Variants in NFIA observed in about 807,000 individuals in gnomAD.
NFIA encodes the protein nuclear factor I A.
Under a neutral mutation model 62.8 loss-of-function variants are expected in NFIA, and 8 were observed. That is an observed-to-expected ratio of 0.13 (90% CI 0.07 to 0.23). The LOEUF is 0.23. Among genes scored for constraint, NFIA ranks in the 10% least tolerant of loss-of-function variants. The pLI, the probability that NFIA is intolerant of heterozygous loss-of-function variation, is 1.00. For synonymous variants in NFIA, 235 were observed against 238.1 expected (o/e 0.99, Z 0.12); for missense variants, 410 against 642.1 (o/e 0.64, Z 3.91).
intron 2 of NFIA, among the ~76,000 whole-genome samples, chr1:61,235,502 A>G: frequency 6.9e-6 from 1 of 145,696 alleles, no homozygotes; most frequent in East Asian, 2.3e-4. Flanking sequence ...AAATAAATAA[A>G]TAAAAATAAA....
chr1:61,227,154 C>A (rs1182131609), intron 2 of NFIA, among the ~76,000 whole-genome samples: 1 of 152,192 alleles, frequency 6.6e-6, no homozygotes, highest in East Asian at 1.9e-4. Flanking sequence ...CTTTGACTGA[C>A]AAGCAGCATT....
At chr1:61,295,593 C>T (rs558794007) in intron 3 of NFIA, among the ~76,000 whole-genome samples, 58 of 152,256 alleles carry the variant, frequency 3.8e-4, no homozygotes, top group Non-Finnish European at 5.7e-4. Context: ...TTGACTCCAC[C>T]GCTCACCTGG....
chr1:61,296,011 C>T (rs1659171262), intron 3 of NFIA, among the ~76,000 whole-genome samples: 1 of 152,234 alleles, frequency 6.6e-6, no homozygotes, highest in Non-Finnish European at 1.5e-5. Flanking sequence ...ATTCAGCACA[C>T]CAGTGCACCC....
intron 2 of NFIA, among the ~76,000 whole-genome samples, chr1:61,259,356 G>A (rs969194858): frequency 1.3e-5 from 2 of 152,270 alleles, no homozygotes; most frequent in African/African-American, 4.8e-5. Context: ...GCCCGGACTG[G>A]CCCTTCCCCT....
At position 61,462,397 on chromosome 1, in the gene NFIA, A is replaced by G. The variant is rs1343570986; in HGVS notation, c.*7077A>G. 1 of 152,100 alleles carries G rather than the reference A, an allele frequency of 6.6e-6. No homozygotes were observed. The highest frequency in any genetic ancestry group is 1.5e-5 in the Non-Finnish European group (1 of 68,036). The allele number at this position is 152,100 out of a possible 1,614,324, so 9.4% of individuals were successfully genotyped here. On this transcript the variant is annotated 3_prime_UTR_variant, in exon 11 of 11. Coordinates refer to ENST00000403491, the MANE Select transcript of NFIA (RefSeq NM_001134673.4). ...TCCACTCGGAATACCTCTGTTTTCC[A>G]TTTCAAATTGTAGGGGGAGGGGATG...
At chr1:61,416,907 C>T (rs923122920) in intron 9 of NFIA, among the ~76,000 whole-genome samples, 2 of 152,134 alleles carry the variant, frequency 1.3e-5, no homozygotes, top group African/African-American at 4.8e-5. Flanking sequence ...AATCTTAAAA[C>T]ACCCCATTAA....
chr1:61,088,169 C>G lies in NFIA; in HGVS notation c.48C>G (p.Ile16Met). Residue 16 changes from isoleucine (I) to methionine (M), a missense_variant, in exon 2 of 11, where the codon ATC becomes ATG. Coordinates refer to ENST00000403491, the MANE Select transcript of NFIA (RefSeq NM_001134673.4). The surrounding 1 kb of genome is among the most constrained non-coding windows in gnomAD (Gnocchi z 4.5). ...CCTAGGATGAATTTCATCCTTTCAT[C>G]GAAGCACTTCTGCCCCACGTCCGAG... is the stretch of plus-strand genomic sequence containing the variant. ...CLTQDEFHPF[I>M]EALLPHVRAF... 1 of 1,602,576 alleles carries G rather than the reference C, an allele frequency of 6.2e-7. No homozygotes were observed. The highest frequency in any genetic ancestry group is 8.5e-7 in the Non-Finnish European group (1 of 1,175,644).
chr1:61,319,504 A>T (rs1470328970), intron 3 of NFIA, among the ~76,000 whole-genome samples: 1 of 152,100 alleles, frequency 6.6e-6, no homozygotes, highest in East Asian at 1.9e-4. Flanking sequence ...ACTTTAACTG[A>T]GTCCTTATTC....
chr1:61,352,956 C>G (rs1484361270), intron 5 of NFIA, among the ~76,000 whole-genome samples: 3 of 151,906 alleles, frequency 2.0e-5, no homozygotes, highest in Non-Finnish European at 4.4e-5. Flanking sequence ...TGAGCAAAGG[C>G]TTGGAGGAAG....
chr1:61,284,801 C>T (rs1422249855), intron 3 of NFIA, among the ~76,000 whole-genome samples: 1 of 152,094 alleles, frequency 6.6e-6, no homozygotes, highest in African/African-American at 2.4e-5. Context: ...CCCCCCACCT[C>T]CAACCCTTCA....
At chr1:61,315,027 A>T (rs1000020903) in intron 3 of NFIA, among the ~76,000 whole-genome samples, 3 of 150,546 alleles carry the variant, frequency 2.0e-5, no homozygotes, top group African/African-American at 7.4e-5. Flanking sequence ...GTTTATAATT[A>T]AAGCACCTGA....
At chr1:61,424,173 A>T (rs1009032491) in intron 9 of NFIA, among the ~76,000 whole-genome samples, 1 of 152,210 alleles carries the variant, frequency 6.6e-6, no homozygotes, top group African/African-American at 2.4e-5. Flanking sequence ...AAGAGAAAAT[A>T]TCTGATTGTT....
chr1:61,407,576 A>T (rs982555287), intron 9 of NFIA, among the ~76,000 whole-genome samples: 1 of 152,064 alleles, frequency 6.6e-6, no homozygotes, highest in Non-Finnish European at 1.5e-5. Context: ...TTCCTAGGTG[A>T]TGGATGCCCT....
rs143235745 is a variant in NFIA, at chr1:61,404,168, G to C, written c.1140G>C (p.Gly380=). 6.2e-7 allele frequency: 1 copy of C among 1,614,072 alleles called. No homozygotes were observed. Among genetic ancestry groups the C allele is most frequent in the Non-Finnish European group, 8.5e-7 (1 of 1,180,052 alleles). ...CATCACCCATTATCCAGCAGCCTGG[G>C]CCTTACTTCTCACACCCAGCCATCC... ...FPTSPIIQQP[G]PYFSHPAIRY... Residue 380 remains glycine (G), a synonymous_variant, in exon 8 of 11, where the codon GGG becomes GGC. Transcript: ENST00000403491.
chr1:61,123,851 T>C (rs1189197476), intron 2 of NFIA, among the ~76,000 whole-genome samples: 1 of 152,186 alleles, frequency 6.6e-6, no homozygotes, highest in African/African-American at 2.4e-5. Flanking sequence ...TGATGGTCCA[T>C]CTGGAGAGCA....
chr1:61,110,961 G>T (rs1646685316), intron 2 of NFIA, among the ~76,000 whole-genome samples: 1 of 152,066 alleles, frequency 6.6e-6, no homozygotes, highest in Admixed American at 6.5e-5. Flanking sequence ...TTACAAGTTT[G>T]CAATCAATAG....
At chr1:61,372,051 A>G (rs541677906) in intron 6 of NFIA, among the ~76,000 whole-genome samples, 1 of 152,268 alleles carries the variant, frequency 6.6e-6, no homozygotes, top group South Asian at 2.1e-4. Flanking sequence ...AAAGGTGTGA[A>G]TGTGAAGAAG....
At chr1:61,385,258 G>A (rs1018651741) in intron 7 of NFIA, among the ~76,000 whole-genome samples, 1 of 151,798 alleles carries the variant, frequency 6.6e-6, no homozygotes, top group African/African-American at 2.4e-5. Flanking sequence ...AGACTTCAAA[G>A]TATAAATAAC....
chr1:61,297,366 C>T (rs1196922963), intron 3 of NFIA, among the ~76,000 whole-genome samples: 3 of 152,106 alleles, frequency 2.0e-5, no homozygotes, highest in Non-Finnish European at 2.9e-5. Flanking sequence ...GATTGTCTTT[C>T]GATCAGCCCC....
Sources: gnomAD v4.1 joint callset for allele counts (sites outside exome capture counted in the v4.1 genomes callset) on GRCh38, gnomAD v4.1.1 for gene constraint, Gnocchi (gnomAD v3.1) non-coding constraint, MANE v1.5 for transcripts, NCBI Gene and HGNC (gene_info 2026-07-23, HGNC 2026-07-21) for gene names.